Variants in REDIC1 observed in about 807,000 individuals in gnomAD.
The protein encoded by REDIC1 is HEI10 Interacting Protein 1.
the REDIC1 span, among the ~76,000 whole-genome samples, chr12:39,670,400 A>G: frequency 1.3e-5 from 2 of 152,172 alleles, no homozygotes; most frequent in African/African-American, 2.4e-5. Context: ...CATGTTGGCC[A>G]CACTGGTCTT....
At chr12:39,762,104 G>A in the REDIC1 span, among the ~76,000 whole-genome samples, 26 of 152,004 alleles carry the variant, frequency 1.7e-4, no homozygotes, top group African/African-American at 2.4e-4. Flanking sequence ...TCCAAAGCAC[G>A]CAAATGCCAA....
chr12:39,734,560 A>G, the REDIC1 span, among the ~76,000 whole-genome samples: 2 of 152,172 alleles, frequency 1.3e-5, no homozygotes, highest in Non-Finnish European at 2.9e-5. Context: ...TTTGTAATGT[A>G]TATAATATAG....
At chr12:39,777,747 A>G in the REDIC1 span, among the ~76,000 whole-genome samples, 1 of 152,224 alleles carries the variant, frequency 6.6e-6, no homozygotes, top group South Asian at 2.1e-4. Flanking sequence ...CCAGCAGGCC[A>G]CTGAGTGGCA....
the REDIC1 span, chr12:39,684,866 G>A: frequency 1.9e-6 from 3 of 1,607,604 alleles, no homozygotes; most frequent in Middle Eastern, 1.7e-4. Context: ...ATAATCCTTA[G>A]GGGAAATATA....
chr12:39,848,376 C>T, the REDIC1 span, among the ~76,000 whole-genome samples: 1 of 152,106 alleles, frequency 6.6e-6, no homozygotes, highest in Non-Finnish European at 1.5e-5. Flanking sequence ...CATGAACAGA[C>T]ACCTCTCAAA....
At chr12:39,674,733 A>G in the REDIC1 span, among the ~76,000 whole-genome samples, 1 of 152,166 alleles carries the variant, frequency 6.6e-6, no homozygotes, top group Non-Finnish European at 1.5e-5. Context: ...AGCCCTGTAG[A>G]CACTCCTGGT....
the REDIC1 span, among the ~76,000 whole-genome samples, chr12:39,882,573 T>C: frequency 6.6e-6 from 1 of 152,186 alleles, no homozygotes; most frequent in Non-Finnish European, 1.5e-5. Context: ...GATGCTTTCA[T>C]AGCATTTCCC....
chr12:39,646,968 G>A, the REDIC1 span: 3 of 972,778 alleles, frequency 3.1e-6, no homozygotes, highest in Non-Finnish European at 4.6e-6. Flanking sequence ...CTGAATACTG[G>A]AGAAAATTAT....
At chr12:39,797,740 A>ACATACGCACACACACACATACG in the REDIC1 span, among the ~76,000 whole-genome samples, 8 of 131,370 alleles carry the variant, frequency 6.1e-5, no homozygotes, top group Non-Finnish European at 1.1e-4. Context: ...ACACACACAC[A>ACATACGCACACACACACATACG]CACACACACA....
At chr12:39,702,130 A>C in the REDIC1 span, among the ~76,000 whole-genome samples, 3 of 152,234 alleles carry the variant, frequency 2.0e-5, no homozygotes, top group African/African-American at 4.8e-5. Flanking sequence ...AAAACCCTTC[A>C]AAAAATTAAT....
the REDIC1 span, among the ~76,000 whole-genome samples, chr12:39,714,089 A>C: frequency 1.3e-4 from 1 of 7,910 alleles, no homozygotes; most frequent in African/African-American, 2.1e-4. Context: ...ATACACATAT[A>C]TGTACATGTA....
the REDIC1 span, chr12:39,721,380 G>A: frequency 4.1e-6 from 3 of 736,978 alleles, no homozygotes; most frequent in Non-Finnish European, 6.7e-6. Flanking sequence ...CAGTGTTCAG[G>A]GTGTATATTC....
the REDIC1 span, among the ~76,000 whole-genome samples, chr12:39,903,805 A>C: frequency 1.3e-5 from 2 of 152,086 alleles, no homozygotes; most frequent in African/African-American, 4.8e-5. Context: ...CATTTAGCTT[A>C]AGTTTTCTAT....
At chr12:39,872,155 T>C in the REDIC1 span, among the ~76,000 whole-genome samples, 2 of 152,186 alleles carry the variant, frequency 1.3e-5, no homozygotes, top group Non-Finnish European at 2.9e-5. Flanking sequence ...AAATTTATTT[T>C]GGAGTTTGTA....
chr12:39,834,690 A>C, the REDIC1 span, among the ~76,000 whole-genome samples: 1 of 152,030 alleles, frequency 6.6e-6, no homozygotes, highest in Non-Finnish European at 1.5e-5. Flanking sequence ...TATTTGTGCT[A>C]ATCTGGACTA....
chr12:39,766,225 C>A, the REDIC1 span, among the ~76,000 whole-genome samples: 1 of 152,066 alleles, frequency 6.6e-6, no homozygotes, highest in South Asian at 2.1e-4. Context: ...GCTTAGACCA[C>A]GCCAATACAG....
chr12:39,705,329 C>T, the REDIC1 span, among the ~76,000 whole-genome samples: 1 of 151,906 alleles, frequency 6.6e-6, no homozygotes, highest in Non-Finnish European at 1.5e-5. Flanking sequence ...AAAAAGTCTC[C>T]CAGGAAATAA....
At chr12:39,829,896 A>G in the REDIC1 span, 1 of 620,466 alleles carries the variant, frequency 1.6e-6, no homozygotes, top group Non-Finnish European at 2.7e-6. Context: ...GGGTCTCCAA[A>G]AGTCTAGGCC....
the REDIC1 span, chr12:39,720,794 A>T: frequency 6.2e-7 from 1 of 1,605,062 alleles, no homozygotes; most frequent in Non-Finnish European, 8.5e-7. Flanking sequence ...TAGCCATCTG[A>T]AGATGAAGAT....
Sources: gnomAD v4.1 joint callset for allele counts (sites outside exome capture counted in the v4.1 genomes callset) on GRCh38, gnomAD v4.1.1 for gene constraint, MANE v1.5 for transcripts, NCBI Gene and HGNC (gene_info 2026-07-23, HGNC 2026-07-21) for gene names.